Variants in NBEA observed in about 807,000 individuals in gnomAD.
NBEA encodes neurobeachin, also known as lysosomal-trafficking regulator 2.
In NBEA, 44 loss-of-function variants were observed where a neutral mutation model predicts 343.4. The ratio of observed to expected loss-of-function variants is 0.13; its 90% confidence interval spans 0.10 to 0.16. NBEA has a LOEUF of 0.16. Ranked by LOEUF, NBEA falls within the 10% of genes least tolerant of loss-of-function variation. The pLI is 1.00. For missense variants in NBEA, 2,555 were observed against 3,631.3 expected, an observed-to-expected ratio of 0.70 and a Z score of 7.62; for synonymous variants, 1,175 against 1,238.7, an observed-to-expected ratio of 0.95 and a Z score of 1.08.
At chr13:35,245,034 G>A (rs1405022441) in intron 34 of NBEA, among the ~76,000 whole-genome samples, 1 of 151,884 alleles carries the variant, frequency 6.6e-6, no homozygotes, top group Non-Finnish European at 1.5e-5. Context: ...AGGGTTTTCA[G>A]CAAACAGCGA....
At chr13:35,326,193 A>C (rs941511260) in intron 36 of NBEA, among the ~76,000 whole-genome samples, 1 of 152,066 alleles carries the variant, frequency 6.6e-6, no homozygotes, top group African/African-American at 2.4e-5. Flanking sequence ...AAAAAATGAC[A>C]TTGGTAGTTT....
chr13:35,143,695 GGGA>G (rs1355193585), intron 18 of NBEA, among the ~76,000 whole-genome samples: 1 of 151,938 alleles, frequency 6.6e-6, no homozygotes, highest in Non-Finnish European at 1.5e-5. Flanking sequence ...CATTGAGAAA[GGGA>G]GATGCTAAGC....
intron 1 of NBEA, among the ~76,000 whole-genome samples, chr13:34,945,629 T>G (rs1290434859): frequency 4.6e-5 from 7 of 152,120 alleles, no homozygotes; most frequent in Non-Finnish European, 1.0e-4. Context: ...AATAGTGAAA[T>G]ACCTATTACT....
At chr13:35,409,733 G>T (rs559018006) in intron 38 of NBEA, among the ~76,000 whole-genome samples, 1 of 152,192 alleles carries the variant, frequency 6.6e-6, no homozygotes, top group Non-Finnish European at 1.5e-5. Flanking sequence ...GCAATACAGG[G>T]GAAAAGGAAG....
chr13:35,476,784 G>A (rs925941794), intron 41 of NBEA: 22 of 1,033,346 alleles, frequency 2.1e-5, no homozygotes, highest in African/African-American at 3.4e-5. Flanking sequence ...GCCTCCTTCA[G>A]CTCCAACCCG....
intron 1 of NBEA, among the ~76,000 whole-genome samples, chr13:34,971,988 T>C (rs56706501): frequency 0.016 from 2,404 of 152,206 alleles, 66 homozygotes; most frequent in African/African-American, 0.049. Context: ...TTTTTTTGGT[T>C]GGTAGGCTAT....
chr13:35,060,452 C>T (rs2063424915), intron 8 of NBEA, among the ~76,000 whole-genome samples: 1 of 151,736 alleles, frequency 6.6e-6, no homozygotes, highest in Non-Finnish European at 1.5e-5. Flanking sequence ...GTACACAGCT[C>T]ATGTGACATA....
intron 10 of NBEA, among the ~76,000 whole-genome samples, chr13:35,082,868 G>T (rs1043216848): frequency 1.4e-4 from 21 of 151,868 alleles, no homozygotes; most frequent in East Asian, 5.8e-4. Flanking sequence ...TTCTGTAGGT[G>T]GCCTGTTCAC....
chr13:35,384,477 A>C (rs1363444450), intron 38 of NBEA, among the ~76,000 whole-genome samples: 1 of 151,256 alleles, frequency 6.6e-6, no homozygotes, highest in African/African-American at 2.4e-5. Flanking sequence ...TCTACAAAGC[A>C]GTTTTTAAAA....
intron 36 of NBEA, among the ~76,000 whole-genome samples, chr13:35,345,272 ATATC>A (rs2039808968): frequency 6.6e-6 from 1 of 152,100 alleles, no homozygotes; most frequent in South Asian, 2.1e-4. Flanking sequence ...TTAAAAAACA[ATATC>A]TACAGAAAAC....
chr13:35,171,044 T>C lies in NBEA; in HGVS notation c.4243-228T>C, dbSNP rs765134493. 8.6e-5 allele frequency: 55 copies of C among 642,308 alleles called. No individual in the cohort carries two copies. The Middle Eastern group carries it at 1.0e-3, about 12-fold the overall frequency. The allele number at this position is 642,308 out of a possible 1,614,324, so 39.8% of individuals were successfully genotyped here. On this transcript the variant is annotated intron_variant, in intron 25 of 58. Transcript: ENST00000379939. ...TATAACTAAAGACATTTAAAACTAA[T>C]GTTGATTTTAAAATGGGCTTTTCCT...
intron 1 of NBEA, among the ~76,000 whole-genome samples, chr13:34,999,178 G>A (rs899679204): frequency 3.9e-4 from 60 of 151,986 alleles, no homozygotes; most frequent in Admixed American, 2.6e-3. Flanking sequence ...TTGTTCTATT[G>A]TTTGGTCAGT....
intron 55 of NBEA, among the ~76,000 whole-genome samples, chr13:35,664,340 G>A (rs1387130335): frequency 6.6e-6 from 1 of 152,132 alleles, no homozygotes; most frequent in South Asian, 2.1e-4. Flanking sequence ...AGGGGATCGG[G>A]GGTGGTTACC....
intron 18 of NBEA, among the ~76,000 whole-genome samples, chr13:35,144,572 GT>G (rs1270667769): frequency 6.6e-6 from 1 of 152,154 alleles, no homozygotes; most frequent in Admixed American, 6.5e-5. Flanking sequence ...GCTGCCTGGA[GT>G]TTTTTGTTCT....
At chr13:35,445,814 A>ATG (rs1304785927) in intron 39 of NBEA, among the ~76,000 whole-genome samples, 9 of 103,696 alleles carry the variant, frequency 8.7e-5, no homozygotes, top group African/African-American at 1.5e-4. Flanking sequence ...ATATATATAT[A>ATG]TATGTATATA....
At chr13:34,978,405 GTC>G (rs769825525) in intron 1 of NBEA, among the ~76,000 whole-genome samples, 35 of 151,688 alleles carry the variant, frequency 2.3e-4, no homozygotes, top group South Asian at 4.2e-4. Flanking sequence ...CCATCGATCT[GTC>G]TATTTTTTCT....
At position 35,492,557 on chromosome 13, in the gene NBEA, C is replaced by T. The variant is rs547054895; in HGVS notation, c.6585+20021C>T. Among the ~76,000 whole-genome samples the T allele has an allele frequency of 2.0e-5, 3 of 151,948 alleles. No individual in the cohort carries two copies. In the South Asian group the frequency reaches 6.2e-4, roughly 32 times the overall value. On this transcript the variant is annotated intron_variant, in intron 41 of 58. Coordinates refer to ENST00000379939, the MANE Select transcript of NBEA (RefSeq NM_001385012.1). ...AAATGGTATCATTGTCTTGAGGCTA[C>T]AATGAGAGATGGCTTTTTTCCTTGA...
chr13:35,100,747 A>C (rs578012629), intron 11 of NBEA, among the ~76,000 whole-genome samples: 45 of 152,122 alleles, frequency 3.0e-4, no homozygotes, highest in Non-Finnish European at 5.9e-4. Flanking sequence ...TTGTGGTTTT[A>C]ATTTGCACTT....
chr13:35,232,677 C>A, intron 34 of NBEA, 58 bp downstream of exon 34: 1 of 1,237,302 alleles, frequency 8.1e-7, no homozygotes, highest in Admixed American at 3.5e-5. Flanking sequence ...TTAATCATGG[C>A]ATAATTTGTG....
Sources: allele counts gnomAD v4.1 joint callset (sites outside exome capture counted in the v4.1 genomes callset), GRCh38; gene constraint gnomAD v4.1.1; transcripts MANE v1.5; gene names NCBI Gene and HGNC (gene_info 2026-07-23, HGNC 2026-07-21).